Variants in SNCG observed in about 807,000 individuals in gnomAD.
The protein encoded by SNCG is synuclein gamma.
In SNCG, 13 loss-of-function variants were observed where a neutral mutation model predicts 16.0. The ratio of observed to expected loss-of-function variants is 0.81; its 90% CI spans 0.53 to 1.29. The LOEUF (loss-of-function observed/expected upper bound fraction) is 1.29, where lower values mean the gene tolerates loss of function less well. SNCG is among the 50% of genes most tolerant of loss of function. The pLI is 0.00. For missense variants in SNCG, 154 were observed against 168.5 expected, an observed-to-expected ratio of 0.91 and a Z score of 0.48; for synonymous variants, 66 against 66.3, an observed-to-expected ratio of 1.00 and a Z score of 0.02.
intron 3 of SNCG, among the ~76,000 whole-genome samples, chr10:86,962,270 G>A (rs898149842): frequency 6.6e-6 from 1 of 152,232 alleles, no homozygotes. Flanking sequence ...GGCTTCAGGG[G>A]CCTCTGCCCA....
At chr10:86,957,791 G>C, upstream of SNCG, 1 of 1,302,162 alleles carries the variant, frequency 7.7e-7, no homozygotes, top group Non-Finnish European at 9.7e-7. Flanking sequence ...GGGACTCTGG[G>C]AATGTGGTAG....
chr10:86,957,879 G>C, upstream of SNCG: 1 of 1,105,548 alleles, frequency 9.0e-7, no homozygotes. Flanking sequence ...GGACTTCGAG[G>C]TGGGGCCACA....
chr10:86,963,087 C>T lies in SNCG; in HGVS notation c.*102C>T, dbSNP rs954430571. 4.0e-6 allele frequency: 5 copies of T among 1,238,478 alleles called. No homozygotes were observed. The highest frequency in any genetic ancestry group is 5.6e-6 in the Non-Finnish European group (5 of 891,074). 76.7% of individuals were successfully genotyped at this position (1,238,478 alleles called of 1,614,324 possible). Reference sequence around the variant, plus strand: ...GCCCGCCTTGAGTGACATGCGGCTGCCCACGCTCCTGCCCTCGTCTCCCTG... The same window carrying T: ...GCCCGCCTTGAGTGACATGCGGCTGTCCACGCTCCTGCCCTCGTCTCCCTG... On this transcript the variant is annotated 3_prime_UTR_variant, in exon 5 of 5. Transcript: ENST00000372017.
chr10:86,957,501 C>T, upstream of SNCG: 1 of 1,612,934 alleles, frequency 6.2e-7, no homozygotes, highest in Non-Finnish European at 8.5e-7. Context: ...CAGCCCCCAG[C>T]CCAGGGGGCC....
chr10:86,960,785 G>A (rs1844334345), intron 3 of SNCG, among the ~76,000 whole-genome samples: 1 of 152,252 alleles, frequency 6.6e-6, no homozygotes, highest in Non-Finnish European at 1.5e-5. Flanking sequence ...GCGCACCCCA[G>A]GGACGGGTGT....
chr10:86,956,757 C>T (rs1309538129), upstream of SNCG, among the ~76,000 whole-genome samples: 1 of 152,190 alleles, frequency 6.6e-6, no homozygotes, highest in East Asian at 1.9e-4. Flanking sequence ...GACTGAGGGG[C>T]AGTTGGAGAT....
chr10:86,962,973 T>TA lies in SNCG; in HGVS notation c.372_373insA (p.Gly125ArgfsTer14). ...GTCATTCTCTCTCCCAGGCCCAGAG[T>TA]GGGGGAGACTAGAGGGCTACAGGCC... On this transcript the variant is annotated frameshift_variant, in exon 5 of 5. Transcript: ENST00000372017. LOFTEE classifies it high-confidence loss of function. 6.2e-7 allele frequency: 1 copy of TA among 1,603,296 alleles called. No individual in the cohort carries two copies. The highest frequency in any genetic ancestry group is 8.5e-7 in the Non-Finnish European group (1 of 1,175,984).
Position 86,962,610 on chromosome 10 carries a change from TTGAGGCCATCTGCCCCCCAACAGGAGGG to T in SNCG, c.305_332del (p.Pro102HisfsTer48), listed in dbSNP as rs1564738971. 1 of 1,611,802 alleles carries T rather than the reference TTGAGGCCATCTGCCCCCCAACAGGAGGG, an allele frequency of 6.2e-7. No homozygotes were observed. The highest frequency in any genetic ancestry group is 1.3e-5 in the African/African-American group (1 of 74,874). ...CCCCTTTTGTCCCCTACAGGAGGAC[TTGAGGCCATCTGCCCCCCAACAGGAGGG>T]TGAGGCATCCAAAGAGAAAGAGGAA... On this transcript the variant is annotated frameshift_variant, in exon 4 of 5. Transcript: ENST00000372017. LOFTEE classifies it high-confidence loss of function.
upstream of SNCG, chr10:86,957,506 G>C (rs979935148): frequency 5.6e-6 from 9 of 1,612,920 alleles, no homozygotes; most frequent in Non-Finnish European, 7.6e-6. Flanking sequence ...CCCAGCCCAG[G>C]GGGCCCCCAA....
upstream of SNCG, chr10:86,958,334 T>C (rs1844271777): frequency 1.0e-6 from 1 of 984,938 alleles, no homozygotes; most frequent in Non-Finnish European, 1.2e-6. Flanking sequence ...GCTGCCCCCA[T>C]GGGTGGGCAG....
At chr10:86,956,773 G>T (rs1251290864), upstream of SNCG, among the ~76,000 whole-genome samples, 2 of 152,218 alleles carry the variant, frequency 1.3e-5, no homozygotes, top group African/African-American at 4.8e-5. Context: ...GAGATGAGGG[G>T]GGACTTACAG....
chr10:86,957,147 C>T (rs1023555773), upstream of SNCG, among the ~76,000 whole-genome samples: 2 of 152,252 alleles, frequency 1.3e-5, no homozygotes, highest in African/African-American at 4.8e-5. Flanking sequence ...TGCCAGCCCC[C>T]CAAGCCCCAT....
intron 3 of SNCG, among the ~76,000 whole-genome samples, chr10:86,960,877 C>A (rs1456306261): frequency 6.6e-6 from 1 of 152,212 alleles, no homozygotes; most frequent in Non-Finnish European, 1.5e-5. Flanking sequence ...ATTTAATAGA[C>A]ACAAAATCCA....
At chr10:86,962,836 G>A in intron 4 of SNCG, 129 bp from the exon 5 acceptor site, 1 of 1,208,818 alleles carries the variant, frequency 8.3e-7, no homozygotes. Context: ...CCCTGAACCT[G>A]AGTGGGAGGT....
At chr10:86,960,158 C>A in intron 3 of SNCG, 30 bp downstream of exon 3, 1 of 1,593,450 alleles carries the variant, frequency 6.3e-7, no homozygotes, top group South Asian at 1.1e-5. Flanking sequence ...CCTGCCCAGT[C>A]CTCTCCTGGG....
chr10:86,958,560 C>T (rs985764567), upstream of SNCG: 13 of 1,455,388 alleles, frequency 8.9e-6, no homozygotes, highest in South Asian at 4.1e-5. Flanking sequence ...AGCTGGCCTC[C>T]GCATCAATAT....
rs894802066 is a variant in SNCG at position 86,959,870 on chromosome 10, T to C, written c.164-131T>C. 2.8e-6 allele frequency: 4 copies of C among 1,438,278 alleles called. No individual in the cohort carries two copies. In the African/African-American group the frequency reaches 5.7e-5, roughly 20 times the overall value. The allele number at this position is 1,438,278 out of a possible 1,614,324, so 89.1% of individuals were successfully genotyped here. A position where few individuals can be genotyped will look rare whatever the true frequency, so the allele number is the denominator to read the frequency against. The stretch of plus-strand genomic sequence containing the variant: ...CACCAGCATCAGAGGTGCCCTGGAG[T>C]CAGAGGGAGCAGGGGAGGGTCCCAG... On this transcript the variant is annotated intron_variant, in intron 2 of 4. Coordinates refer to ENST00000372017, the MANE Select transcript of SNCG (RefSeq NM_003087.3). The surrounding 1 kb of genome is among the most constrained non-coding windows in gnomAD (Gnocchi z 4.3).
chr10:86,956,267 G>A (rs1844226470), upstream of SNCG, among the ~76,000 whole-genome samples: 1 of 151,806 alleles, frequency 6.6e-6, no homozygotes, highest in Non-Finnish European at 1.5e-5. Flanking sequence ...TGTTCCCCAC[G>A]CCACTGCCAC....
Position 86,958,790 on chromosome 10 carries a change from G to A in SNCG, c.93G>A (p.Glu31=). Residue 31 remains glutamate, a synonymous_variant, in exon 1 of 5, where the codon GAG becomes GAA. Transcript: ENST00000372017. Reference sequence around the variant, plus strand: ...AGCAGGGGGTGACGGAAGCAGCTGAGAAGACCAAGGAGGGGGTCATGTATG... The same window carrying A: ...AGCAGGGGGTGACGGAAGCAGCTGAAAAGACCAAGGAGGGGGTCATGTATG... ...KTKQGVTEAA[E]KTKEGVMYVG... 1.2e-6 allele frequency: 2 copies of A among 1,612,218 alleles called. No homozygotes were observed. Among genetic ancestry groups the A allele is most frequent in the East Asian group, 2.2e-5 (1 of 44,852 alleles).
Sources: gnomAD v4.1 joint callset for allele counts (sites outside exome capture counted in the v4.1 genomes callset) on GRCh38, gnomAD v4.1.1 for gene constraint, Gnocchi (gnomAD v3.1) non-coding constraint, MANE v1.5 for transcripts, NCBI Gene and HGNC (gene_info 2026-07-23, HGNC 2026-07-21) for gene names.